SAE1: variants seen among roughly 807,000 people sequenced by gnomAD.
SAE1 encodes SUMO1 activating enzyme subunit 1.
SAE1 carries 11 observed loss-of-function variants against 40.6 expected under a neutral mutation model. The observed-to-expected ratio is 0.27, with a 90% CI of 0.17 to 0.45. The LOEUF is 0.45. SAE1 is among the 20% of genes least tolerant of loss of function. The pLI is 1.00. For missense variants in SAE1, 373 were observed against 427.3 expected (o/e 0.87, Z 1.12); for synonymous variants, 155 against 154.3 (o/e 1.00, Z -0.03).
intron 8 of SAE1, 106 bp from the exon 9 acceptor site, chr19:47,209,053 C>A: frequency 1.9e-6 from 2 of 1,055,194 alleles, no homozygotes; most frequent in Non-Finnish European, 2.8e-6. Flanking sequence ...GGAGCAAAAT[C>A]GACCCCAGTT....
chr19:47,196,229 G>T (rs1205330319), intron 6 of SAE1, among the ~76,000 whole-genome samples: 13 of 148,974 alleles, frequency 8.7e-5, no homozygotes, highest in Non-Finnish European at 1.6e-4. Context: ...TAGAGACGGG[G>T]TTTCACCATG....
intron 6 of SAE1, among the ~76,000 whole-genome samples, chr19:47,186,877 G>A (rs2058547787): frequency 6.6e-6 from 1 of 152,188 alleles, no homozygotes; most frequent in Non-Finnish European, 1.5e-5. Flanking sequence ...AGAAAGACAT[G>A]AAAGTACTGT....
chr19:47,131,697 CTTTTTTTTT>C (rs554165710), intron 1 of SAE1, among the ~76,000 whole-genome samples: 3 of 84,142 alleles, frequency 3.6e-5, no homozygotes, highest in East Asian at 4.3e-4. Context: ...TTAGGGAATT[CTTTTTTTTT>C]TTTTTTTTTT....
At chr19:47,193,117 G>A (rs1298811584) in intron 6 of SAE1, among the ~76,000 whole-genome samples, 4 of 150,704 alleles carry the variant, frequency 2.7e-5, no homozygotes, top group Admixed American at 1.3e-4. Flanking sequence ...GAGTGCAGTG[G>A]CACAATCTCG....
chr19:47,195,786 A>G (rs1341252576), intron 6 of SAE1, among the ~76,000 whole-genome samples: 2 of 124,410 alleles, frequency 1.6e-5, no homozygotes, highest in African/African-American at 6.4e-5. Flanking sequence ...CCCAGGCTGG[A>G]GTGCAGTGAT....
intron 1 of SAE1, among the ~76,000 whole-genome samples, chr19:47,140,602 C>G (rs1360742741): frequency 3.6e-5 from 5 of 138,338 alleles, no homozygotes; most frequent in Non-Finnish European, 7.7e-5. Flanking sequence ...GCCTGGGCAA[C>G]ATAGTGAGAC....
intron 5 of SAE1, 25 bp from the exon 6 acceptor site, chr19:47,169,793 A>G: frequency 6.7e-7 from 1 of 1,482,392 alleles, no homozygotes; most frequent in Non-Finnish European, 9.4e-7. Flanking sequence ...TGTTATTCCT[A>G]AGCAGTTCTG....
In SAE1 at chr19:47,152,733, T is replaced by G. The variant is rs562185549; in HGVS notation, c.385-165T>G. On this transcript the variant is annotated intron_variant, in intron 3 of 8. Transcript: ENST00000270225. ...TTTTCTACACATTGAAACCTGCAAC[T>G]TTTCTTTTGTCTTCTAGCCATAGGG... Among the ~76,000 whole-genome samples the G allele has an allele frequency of 1.8e-4, 28 of 152,304 alleles. No homozygotes were observed. The South Asian group carries it at 3.5e-3, about 19-fold the overall frequency.
intron 6 of SAE1, among the ~76,000 whole-genome samples, chr19:47,171,515 G>A (rs2058432957): frequency 6.6e-6 from 1 of 151,982 alleles, no homozygotes; most frequent in African/African-American, 2.4e-5. Context: ...GCAGTGGCGT[G>A]ATCTTGGCTC....
At chr19:47,143,649 T>G (rs1600152437) in intron 2 of SAE1, 44 bp downstream of exon 2, 3 of 1,431,648 alleles carry the variant, frequency 2.1e-6, no homozygotes, top group African/African-American at 1.4e-5. Flanking sequence ...TGGCTCCCCT[T>G]TCCAGCATGA....
In SAE1 at chr19:47,210,168, A is replaced by G. The variant is rs1432055760; in HGVS notation, c.*917A>G. The G allele has an allele frequency of 6.6e-6, 1 of 152,204 alleles. No individual in the cohort carries two copies. Among genetic ancestry groups the G allele is most frequent in the African/African-American group, 2.4e-5 (1 of 41,452 alleles). The allele number at this position is 152,204 out of a possible 1,614,324, so 9.4% of individuals were successfully genotyped here. On this transcript the variant is annotated 3_prime_UTR_variant, in exon 9 of 9. Coordinates refer to ENST00000270225, the MANE Select transcript of SAE1 (RefSeq NM_005500.3). Reference sequence around the variant, plus strand: ...TTCCTTGGTTCTTTTTAAAGGAATGATAATAAAGTTACTTGCTTTAGGATT... The same window carrying G: ...TTCCTTGGTTCTTTTTAAAGGAATGGTAATAAAGTTACTTGCTTTAGGATT...
rs917559982 is a variant in SAE1, at chr19:47,181,014, T to C, written c.733+11091T>C. Among the ~76,000 whole-genome samples the C allele has an allele frequency of 2.6e-5, 4 of 151,996 alleles. No homozygotes were observed. The East Asian group carries it at 7.7e-4, about 29-fold the overall frequency. ...TTTCTTTTGCTCTAAAGGATGTTAGTGGAACAATTGGTAAAAAGAGGCCCC... is the reference window on the plus strand; with the variant it reads ...TTTCTTTTGCTCTAAAGGATGTTAGCGGAACAATTGGTAAAAAGAGGCCCC... On this transcript the variant is annotated intron_variant, in intron 6 of 8. Coordinates refer to ENST00000270225, the MANE Select transcript of SAE1 (RefSeq NM_005500.3).
intron 1 of SAE1, among the ~76,000 whole-genome samples, chr19:47,133,298 A>G (rs1165503209): frequency 6.6e-6 from 1 of 152,158 alleles, no homozygotes; most frequent in African/African-American, 2.4e-5. Flanking sequence ...GCTCACTGCC[A>G]TTGCAGTGAA....
intron 6 of SAE1, among the ~76,000 whole-genome samples, chr19:47,172,395 C>T (rs1166769812): frequency 6.6e-6 from 1 of 152,110 alleles, no homozygotes; most frequent in Non-Finnish European, 1.5e-5. Flanking sequence ...GGGAACAGTG[C>T]CTGGGCCCTT....
At chr19:47,140,762 T>C (rs1163209233) in intron 1 of SAE1, among the ~76,000 whole-genome samples, 1 of 152,126 alleles carries the variant, frequency 6.6e-6, no homozygotes, top group Non-Finnish European at 1.5e-5. Context: ...GCCACTGCCC[T>C]TCAATCTGGG....
At chr19:47,173,258 A>G (rs1308808234) in intron 6 of SAE1, among the ~76,000 whole-genome samples, 2 of 152,072 alleles carry the variant, frequency 1.3e-5, no homozygotes, top group East Asian at 1.9e-4. Context: ...CGGCCTCCCA[A>G]AGTGCTGGGA....
intron 3 of SAE1, among the ~76,000 whole-genome samples, 157 bp downstream of exon 3, chr19:47,150,532 A>G (rs1280609356): frequency 6.6e-6 from 1 of 152,180 alleles, no homozygotes; most frequent in African/African-American, 2.4e-5. Flanking sequence ...GTTTAGGCTT[A>G]GTATATTGTG....
At chr19:47,165,970 T>C (rs465186) in intron 5 of SAE1, among the ~76,000 whole-genome samples, 10 of 152,324 alleles carry the variant, frequency 6.6e-5, no homozygotes, top group Non-Finnish European at 1.0e-4. Flanking sequence ...GAGAATCTGA[T>C]TGGCCTGGTT....
chr19:47,151,566 G>C (rs1229195388), intron 3 of SAE1, among the ~76,000 whole-genome samples: 1 of 152,024 alleles, frequency 6.6e-6, no homozygotes, highest in African/African-American at 2.4e-5. Context: ...CCGCCTCCCT[G>C]GTTTAAGCAG....
Sources: allele counts gnomAD v4.1 joint callset (sites outside exome capture counted in the v4.1 genomes callset), GRCh38; gene constraint gnomAD v4.1.1; transcripts MANE v1.5; gene names NCBI Gene and HGNC (gene_info 2026-07-23, HGNC 2026-07-21).